DARS2: variants seen among roughly 807,000 people sequenced by gnomAD.
DARS2 encodes the protein aspartate--tRNA ligase, mitochondrial.
DARS2 carries 63 observed loss-of-function variants against 83.0 expected under a neutral mutation model. The ratio of observed to expected loss-of-function variants is 0.76; its 90% CI spans 0.62 to 0.94. DARS2 has a LOEUF of 0.94. Ranked by LOEUF, DARS2 falls within the 40% of genes least tolerant of loss-of-function variation. The pLI, the probability that DARS2 is intolerant of heterozygous loss-of-function variation, is 0.00. For synonymous variants in DARS2, 250 were observed against 269.3 expected (o/e 0.93, Z 0.70); for missense variants, 675 against 774.4 (o/e 0.87, Z 1.52).
intron 12 of DARS2, among the ~76,000 whole-genome samples, chr1:173,849,126 G>T: frequency 6.8e-6 from 1 of 146,290 alleles, no homozygotes; most frequent in African/African-American, 2.5e-5. Context: ...TGTTTTCTCT[G>T]GGGCTAATTT....
At position 173,840,933 on chromosome 1, in the gene DARS2, C is replaced by T; in HGVS notation, c.1088C>T (p.Pro363Leu). 2 of 1,612,538 alleles carry T rather than the reference C, an allele frequency of 1.2e-6. No individual in the cohort carries two copies. Among genetic ancestry groups the T allele is most frequent in the Non-Finnish European group, 1.7e-6 (2 of 1,178,668 alleles). Reference protein sequence around the residue: ...IGFLQDALSKPHGTVKAICIP... With the variant: ...IGFLQDALSKLHGTVKAICIP... ...TTTCTTCAAGATGCACTTAGTAAGC[C>T]CCATGGAACTGTGAAAGCCATATGT... Residue 363 changes from proline (P) to leucine (L), a missense_variant, in exon 11 of 17, where the codon CCC becomes CTC. Pro to Leu is a moderately conservative substitution (Grantham distance 98). Coordinates refer to ENST00000649689, the MANE Select transcript of DARS2 (RefSeq NM_018122.5).
At chr1:173,838,561 A>C (rs1653091947) in intron 9 of DARS2, among the ~76,000 whole-genome samples, 1 of 152,056 alleles carries the variant, frequency 6.6e-6, no homozygotes, top group Non-Finnish European at 1.5e-5. Context: ...TCAGCAACTA[A>C]GGAATGCCAG....
chr1:173,830,654 C>A lies in DARS2; in HGVS notation c.295-6C>A. ...TCTCAGAACTCTTTTCCCCCTTGTTCTGTAGTCGGCAGCCTCTGTGAAGAA... is the reference window on the plus strand; with the variant it reads ...TCTCAGAACTCTTTTCCCCCTTGTTATGTAGTCGGCAGCCTCTGTGAAGAA... On this transcript the variant is annotated splice_region_variant and splice_polypyrimidine_tract_variant and intron_variant, in intron 3 of 16. Transcript: ENST00000649689. 1.2e-6 allele frequency: 2 copies of A among 1,610,774 alleles called. No homozygotes were observed. The highest frequency in any genetic ancestry group is 1.7e-6 in the Non-Finnish European group (2 of 1,177,010).
chr1:173,843,129 A>G (rs1653293344), intron 11 of DARS2, among the ~76,000 whole-genome samples: 1 of 152,052 alleles, frequency 6.6e-6, no homozygotes, highest in Admixed American at 6.6e-5. Context: ...TTCCGTACCT[A>G]GTTAAATGCC....
At position 173,826,733 on chromosome 1, in the gene DARS2, T is replaced by G. The variant is rs575927296; in HGVS notation, c.174T>G (p.Arg58=). 3.7e-6 allele frequency: 6 copies of G among 1,613,750 alleles called. No homozygotes were observed. The highest frequency in any genetic ancestry group is 4.5e-5 in the East Asian group (2 of 44,880). ...VVRTNTCGEL[R]SSHLGQEVTL... ...GGACCAACACATGTGGAGAGTTGCG[T>G]TCGTCTCACTTAGGCCAAGAAGTCA... Residue 58 remains arginine, a synonymous_variant, in exon 2 of 17, where the codon CGT becomes CGG. Transcript: ENST00000649689.
chr1:173,855,329 T>A (rs1653820686), intron 15 of DARS2, among the ~76,000 whole-genome samples: 2 of 152,148 alleles, frequency 1.3e-5, no homozygotes, highest in Admixed American at 1.3e-4. Context: ...CTCGAACTCC[T>A]GACCTCAAGA....
At chr1:173,856,788 G>T in intron 16 of DARS2, 47 bp downstream of exon 16, 2 of 1,524,190 alleles carry the variant, frequency 1.3e-6, no homozygotes, top group Non-Finnish European at 1.8e-6. Flanking sequence ...CCATTGCACT[G>T]TCTCAAATTC....
At chr1:173,851,177 A>G (rs1406318008) in intron 13 of DARS2, among the ~76,000 whole-genome samples, 1 of 138,564 alleles carries the variant, frequency 7.2e-6, no homozygotes, top group Non-Finnish European at 1.5e-5. Context: ...TCAACCTGGG[A>G]GGGGGAGGTT....
chr1:173,829,163 A>G (rs1425670809), intron 3 of DARS2, among the ~76,000 whole-genome samples: 1 of 152,074 alleles, frequency 6.6e-6, no homozygotes, highest in Admixed American at 6.6e-5. Context: ...AAGTGCTGTC[A>G]TCTGTATAAA....
At chr1:173,847,503 G>A (rs1043330277) in intron 12 of DARS2, among the ~76,000 whole-genome samples, 1 of 151,682 alleles carries the variant, frequency 6.6e-6, no homozygotes, top group Non-Finnish European at 1.5e-5. Flanking sequence ...TATAAGAAAT[G>A]GGTATTACTA....
In DARS2 at chr1:173,853,817, T is replaced by TG. The variant is rs1653765537; in HGVS notation, c.1588dup (p.Val530GlyfsTer6). On this transcript the variant is annotated frameshift_variant, in exon 15 of 17. Coordinates refer to ENST00000649689, the MANE Select transcript of DARS2 (RefSeq NM_018122.5). LOFTEE classifies it high-confidence loss of function. ...TAGGCCCGTAGCCAACACTATGACT[T>TG]GGTTTTAAATGGCAATGAAATAGGA... The TG allele has an allele frequency of 6.2e-7, 1 of 1,614,090 alleles. No homozygotes were observed. The highest frequency in any genetic ancestry group is 1.3e-5 in the African/African-American group (1 of 75,044).
intron 12 of DARS2, among the ~76,000 whole-genome samples, chr1:173,849,348 A>T (rs185210432): frequency 3.9e-5 from 6 of 152,076 alleles, no homozygotes; most frequent in Non-Finnish European, 7.4e-5. Flanking sequence ...AGCCTGGCCA[A>T]CATAGTGAAA....
rs375700548 is a variant in DARS2, at chr1:173,826,731, C to T, written c.172C>T (p.Arg58Cys). ...VVRTNTCGELRSSHLGQEVTL... is the reference protein window; with the variant it reads ...VVRTNTCGELCSSHLGQEVTL... ...CCGGACCAACACATGTGGAGAGTTG[C>T]GTTCGTCTCACTTAGGCCAAGAAGT... The change falls in exon 2 of 17, where the codon CGT (arginine) becomes TGT (cysteine). Residue 58 changes from arginine (R) to cysteine (C), a missense_variant. Physicochemically the swap from Arg to Cys is radical, Grantham distance 180. Transcript: ENST00000649689. 3.1e-6 allele frequency: 5 copies of T among 1,610,082 alleles called. No homozygotes were observed. The highest frequency in any genetic ancestry group is 1.1e-5 in the South Asian group (1 of 90,996).
At chr1:173,844,820 A>C (rs1427494229) in intron 11 of DARS2, among the ~76,000 whole-genome samples, 1 of 92,204 alleles carries the variant, frequency 1.1e-5, no homozygotes, top group Admixed American at 1.4e-4. Flanking sequence ...TTGAGACAGA[A>C]TCTCACTTTG....
At chr1:173,836,415 C>G (rs1290257160) in intron 7 of DARS2, among the ~76,000 whole-genome samples, 3 of 149,904 alleles carry the variant, frequency 2.0e-5, no homozygotes, top group Non-Finnish European at 3.0e-5. Flanking sequence ...TGGTGGCAGG[C>G]ACCTGTAATC....
At chr1:173,840,455 C>T (rs560325982) in intron 10 of DARS2, among the ~76,000 whole-genome samples, 9 of 152,320 alleles carry the variant, frequency 5.9e-5, no homozygotes, top group Non-Finnish European at 1.0e-4. Flanking sequence ...CCAGGCTGAC[C>T]TCCTGACCTC....
chr1:173,847,718 A>G (rs1349468507), intron 12 of DARS2, among the ~76,000 whole-genome samples: 1 of 151,638 alleles, frequency 6.6e-6, no homozygotes, highest in Non-Finnish European at 1.5e-5. Flanking sequence ...ATATCTCTAC[A>G]TACTTTTTTT....
At chr1:173,840,641 A>G (rs1653167929) in intron 10 of DARS2, among the ~76,000 whole-genome samples, 2 of 152,202 alleles carry the variant, frequency 1.3e-5, no homozygotes, top group South Asian at 4.1e-4. Context: ...TCTTGGTTTC[A>G]TCTATGAAAT....
intron 9 of DARS2, 123 bp from the exon 10 acceptor site, chr1:173,839,244 A>G (rs911229403): frequency 2.4e-6 from 2 of 830,366 alleles, no homozygotes; most frequent in Non-Finnish European, 4.0e-6. Context: ...AGAGATGTAC[A>G]ATAATATTTA....
Sources: allele counts gnomAD v4.1 joint callset (sites outside exome capture counted in the v4.1 genomes callset), GRCh38; gene constraint gnomAD v4.1.1; transcripts MANE v1.5; gene names NCBI Gene and HGNC (gene_info 2026-07-23, HGNC 2026-07-21).